Variants in FBXO34 observed in about 807,000 individuals in gnomAD.
The protein encoded by FBXO34 is F-box protein 34, also known as F-box only protein 34.
FBXO34 carries 12 observed loss-of-function variants against 24.5 expected under a neutral mutation model. The observed-to-expected ratio is 0.49, with a 90% CI of 0.31 to 0.79. FBXO34 has a LOEUF of 0.79. Among genes scored for constraint, FBXO34 ranks in the 30% least tolerant of loss-of-function variants. FBXO34 has a pLI of 0.04. For missense variants in FBXO34, 823 were observed against 857.7 expected (o/e 0.96, Z 0.51); for synonymous variants, 320 against 311.9 (o/e 1.03, Z -0.27).
chr14:55,435,124 A>G, the FBXO34 span, among the ~76,000 whole-genome samples: 3 of 152,204 alleles, frequency 2.0e-5, no homozygotes, highest in Non-Finnish European at 2.9e-5. Flanking sequence ...AGGAGCTTGA[A>G]CTTTATACTT....
At chr14:55,298,719 A>G in intron 1 of FBXO34, 3 of 1,569,544 alleles carry the variant, frequency 1.9e-6, no homozygotes, top group South Asian at 1.1e-5. Context: ...GCTGCGGGAC[A>G]CGGAGGAGAT....
intron 1 of FBXO34, among the ~76,000 whole-genome samples, chr14:55,302,446 CTTTTTTG>C (rs1399633574): frequency 4.3e-4 from 56 of 129,684 alleles, no homozygotes; most frequent in Non-Finnish European, 1.5e-4. Flanking sequence ...TCTGTAGCCT[CTTTTTTG>C]TTTTTTTTTT....
the FBXO34 span, among the ~76,000 whole-genome samples, chr14:55,380,252 C>T: frequency 6.7e-6 from 1 of 149,868 alleles, no homozygotes; most frequent in Non-Finnish European, 1.5e-5. Flanking sequence ...TGTCTCAAAA[C>T]AACAACAACA....
rs868532375 is a variant in FBXO34 at position 55,331,745 on chromosome 14, G to A, written c.-10-18636G>A. 3.7e-3 allele frequency among the ~76,000 whole-genome samples: 144 copies of A among 38,548 alleles called. 25 individuals are homozygous for A. The African/African-American group carries it at 0.045, about 12-fold the overall frequency. 25.3% of individuals were successfully genotyped at this position (38,548 alleles called of 152,430 possible). On this transcript the variant is annotated intron_variant, in intron 1 of 1. Transcript: ENST00000313833. ...TATATATATGTATATATATATGTGT[G>A]TATATATATATATATGTATATATAT...
At chr14:55,331,712 T>TACCACC (rs1883562246) in intron 1 of FBXO34, among the ~76,000 whole-genome samples, 1 of 44,934 alleles carries the variant, frequency 2.2e-5, no homozygotes, top group African/African-American at 1.7e-4. Context: ...TATGTATATA[T>TACCACC]ATATGTATAT....
the FBXO34 span, among the ~76,000 whole-genome samples, chr14:55,388,040 G>A: frequency 2.0e-5 from 3 of 152,100 alleles, no homozygotes; most frequent in African/African-American, 7.2e-5. Flanking sequence ...GGGAGGCTGA[G>A]GCAGGAGAAT....
chr14:55,411,668 C>T, the FBXO34 span: 4 of 1,613,396 alleles, frequency 2.5e-6, no homozygotes, highest in Non-Finnish European at 3.4e-6. Context: ...GCAGGTCAGC[C>T]GCCGGCGGGT....
chr14:55,414,343 T>A, the FBXO34 span: 1 of 1,507,568 alleles, frequency 6.6e-7, no homozygotes, highest in Non-Finnish European at 9.1e-7. Context: ...ATGGACATAT[T>A]CAAACCAGAA....
chr14:55,411,595 G>C, the FBXO34 span: 1 of 1,602,856 alleles, frequency 6.2e-7, no homozygotes, highest in Non-Finnish European at 8.5e-7. Flanking sequence ...CGTGGCGGCC[G>C]CCGTACCTCT....
At chr14:55,379,685 A>C in the FBXO34 span, among the ~76,000 whole-genome samples, 1,273 of 152,356 alleles carry the variant, frequency 8.4e-3, 8 homozygotes, top group Middle Eastern at 0.02. Flanking sequence ...GGAAGATTGT[A>C]GTGCAAACTG....
chr14:55,366,299 T>C (rs1418865061), downstream of FBXO34: 1 of 152,630 alleles, frequency 6.6e-6, no homozygotes, highest in Non-Finnish European at 1.5e-5. Context: ...CTATAATTTG[T>C]ATAAAGTACT....
chr14:55,282,334 T>C (rs376860274), intron 1 of FBXO34: 11 of 462,494 alleles, frequency 2.4e-5, no homozygotes, highest in Non-Finnish European at 3.9e-5. Flanking sequence ...TTCAACACTT[T>C]CACAATGATT....
At chr14:55,296,996 G>T (rs925322231) in intron 1 of FBXO34, among the ~76,000 whole-genome samples, 2 of 152,162 alleles carry the variant, frequency 1.3e-5, no homozygotes, top group African/African-American at 2.4e-5. Context: ...GTTTAGGGGA[G>T]TAAATTAGAA....
At chr14:55,413,533 T>A in the FBXO34 span, 1 of 385,500 alleles carries the variant, frequency 2.6e-6, no homozygotes, top group Non-Finnish European at 5.1e-6. Context: ...ATTTGTACAG[T>A]TCAGAATTTT....
the FBXO34 span, among the ~76,000 whole-genome samples, chr14:55,379,258 G>T: frequency 6.6e-6 from 1 of 152,106 alleles, no homozygotes; most frequent in East Asian, 1.9e-4. Context: ...GATGATGGCC[G>T]GGTGCAGTGG....
chr14:55,341,527 C>G (rs1322221984), intron 1 of FBXO34, among the ~76,000 whole-genome samples: 1 of 152,080 alleles, frequency 6.6e-6, no homozygotes, highest in African/African-American at 2.4e-5. Flanking sequence ...CCTTCAGTTT[C>G]TGTAAAAAAT....
chr14:55,341,078 G>T (rs1883975615), intron 1 of FBXO34, among the ~76,000 whole-genome samples: 1 of 152,192 alleles, frequency 6.6e-6, no homozygotes, highest in African/African-American at 2.4e-5. Flanking sequence ...TAAGTATAGG[G>T]ATCACTGCAG....
chr14:55,295,520 G>A (rs964689223), intron 1 of FBXO34, among the ~76,000 whole-genome samples: 12 of 149,852 alleles, frequency 8.0e-5, no homozygotes, highest in Non-Finnish European at 5.9e-5. Flanking sequence ...TCAGCCTCCC[G>A]AGTAGCTGGG....
the FBXO34 span, among the ~76,000 whole-genome samples, chr14:55,404,535 G>C: frequency 2.0e-5 from 3 of 152,278 alleles, no homozygotes; most frequent in South Asian, 6.2e-4. Flanking sequence ...CATGAAGTAT[G>C]TCTTTTGGTG....
Sources: allele counts gnomAD v4.1 joint callset (sites outside exome capture counted in the v4.1 genomes callset), GRCh38; gene constraint gnomAD v4.1.1; transcripts MANE v1.5; gene names NCBI Gene and HGNC (gene_info 2026-07-23, HGNC 2026-07-21).